The following PLB1 variants were observed in gnomAD, a reference collection of about 807,000 sequenced individuals.
PLB1 encodes phospholipase B1.
A neutral mutation model predicts 227.4 loss-of-function variants in PLB1; 242 were observed. That is an observed-to-expected ratio of 1.06 (90% CI 0.96 to 1.18). The LOEUF is 1.18. Among genes scored for constraint, PLB1 ranks in the 50% most tolerant of loss-of-function variants. PLB1 has a pLI of 0.00. For missense variants in PLB1, 1,858 were observed against 1,816.3 expected (o/e 1.02, Z -0.42); for synonymous variants, 757 against 682.2 (o/e 1.11, Z -1.71).
At chr2:28,598,218 C>A (rs1683285503) in intron 34 of PLB1, among the ~76,000 whole-genome samples, 170 bp downstream of exon 34, 1 of 152,152 alleles carries the variant, frequency 6.6e-6, no homozygotes, top group Non-Finnish European at 1.5e-5. Context: ...AAAATAAACA[C>A]CAGATTTAGA....
At chr2:28,618,768 C>T (rs1686563717) in intron 46 of PLB1, among the ~76,000 whole-genome samples, 1 of 152,208 alleles carries the variant, frequency 6.6e-6, no homozygotes. Context: ...CTTACACACA[C>T]ACTGCCCCAT....
At chr2:28,517,077 AG>A (rs1668942275) in intron 2 of PLB1, among the ~76,000 whole-genome samples, 1 of 152,196 alleles carries the variant, frequency 6.6e-6, no homozygotes, top group African/African-American at 2.4e-5. Context: ...TCATCCCTGC[AG>A]ACTGAATGGG....
intron 42 of PLB1, 93 bp downstream of exon 42, chr2:28,606,041 G>T: frequency 1.0e-6 from 1 of 974,968 alleles, no homozygotes; most frequent in Non-Finnish European, 1.6e-6. Flanking sequence ...GTGAGGCTGA[G>T]GGGGCAGTGG....
At chr2:28,613,623 G>T (rs1312113147) in intron 43 of PLB1, among the ~76,000 whole-genome samples, 1 of 152,068 alleles carries the variant, frequency 6.6e-6, no homozygotes, top group Non-Finnish European at 1.5e-5. Context: ...GAGGCAGAAA[G>T]AAAAACATTA....
Position 28,593,697 on chromosome 2 carries a change from G to T in PLB1, c.2264G>T (p.Gly755Val). Residue 755 changes from glycine to valine, a missense_variant, in exon 33 of 58, where the codon GGC (glycine) becomes GTC (valine). By Grantham distance (109) the Gly-to-Val change is moderately radical. Transcript: ENST00000327757. ...TTTTCAAAGGCTGGCAATGGAATTG[G>T]CTCCAAACCAGACGACCTCCCCGAT... is the stretch of plus-strand genomic sequence containing the variant. ...GDSLTAGNGI[G>V]SKPDDLPDVT... 6.2e-7 allele frequency: 1 copy of T among 1,614,084 alleles called. No individual in the cohort carries two copies. The highest frequency in any genetic ancestry group is 8.5e-7 in the Non-Finnish European group (1 of 1,180,008).
intron 23 of PLB1, among the ~76,000 whole-genome samples, chr2:28,581,497 AT>A (rs1558821649): frequency 0.089 from 9,321 of 104,684 alleles, 500 homozygotes; most frequent in Non-Finnish European, 0.11. Flanking sequence ...AAATAAATAA[AT>A]AAATAAATAA....
chr2:28,506,499 G>A (rs1667650867), intron 1 of PLB1, among the ~76,000 whole-genome samples: 2 of 152,094 alleles, frequency 1.3e-5, no homozygotes, highest in Admixed American at 6.6e-5. Flanking sequence ...ATTAAACCCC[G>A]GTGCAAGGAG....
chr2:28,567,779 T>C (rs1301747055), intron 20 of PLB1, among the ~76,000 whole-genome samples: 1 of 152,176 alleles, frequency 6.6e-6, no homozygotes, highest in Non-Finnish European at 1.5e-5. Context: ...TCTGATTATA[T>C]TCCTTGAAGG....
At chr2:28,507,181 T>G (rs1291024263) in intron 1 of PLB1, among the ~76,000 whole-genome samples, 1 of 152,214 alleles carries the variant, frequency 6.6e-6, no homozygotes, top group South Asian at 2.1e-4. Flanking sequence ...GGTCTGCTTG[T>G]TCGTCTTCAC....
chr2:28,546,655 T>C (rs1673308694), intron 14 of PLB1, among the ~76,000 whole-genome samples: 1 of 152,086 alleles, frequency 6.6e-6, no homozygotes, highest in Non-Finnish European at 1.5e-5. Context: ...GGATTGGGGA[T>C]GCAGGAGAAG....
chr2:28,558,373 A>G (rs1675488122), intron 17 of PLB1, among the ~76,000 whole-genome samples: 1 of 151,994 alleles, frequency 6.6e-6, no homozygotes, highest in Non-Finnish European at 1.5e-5. Flanking sequence ...ATGATGCATT[A>G]TGGCAGTAAG....
At position 28,628,637 on chromosome 2, in the gene PLB1, G is replaced by A. The variant is rs754122377; in HGVS notation, c.3726+9G>A. 5 of 1,614,048 alleles carry A rather than the reference G, an allele frequency of 3.1e-6. No individual in the cohort carries two copies. The highest frequency in any genetic ancestry group is 2.2e-5 in the South Asian group (2 of 91,080). On this transcript the variant is annotated intron_variant, in intron 52 of 57. Transcript: ENST00000327757. ...ACATCCTCTCTGAGGAGGTAGGAGAGGGGTTACGTGTTCCTGGGTCCCGCC... is the reference window on the plus strand; with the variant it reads ...ACATCCTCTCTGAGGAGGTAGGAGAAGGGTTACGTGTTCCTGGGTCCCGCC...
intron 20 of PLB1, 76 bp downstream of exon 20, chr2:28,566,915 G>A (rs1677034728): frequency 1.3e-6 from 2 of 1,561,582 alleles, no homozygotes; most frequent in East Asian, 2.3e-5. Flanking sequence ...TGCAGGTGGC[G>A]CGGGCCTCGG....
At chr2:28,552,198 G>C (rs1027406585) in intron 16 of PLB1, among the ~76,000 whole-genome samples, 1 of 152,156 alleles carries the variant, frequency 6.6e-6, no homozygotes, top group Non-Finnish European at 1.5e-5. Flanking sequence ...GTTGAAGAAG[G>C]CTTTCCAAAG....
At chr2:28,523,825 A>C (rs1483041198) in intron 4 of PLB1, among the ~76,000 whole-genome samples, 1 of 152,208 alleles carries the variant, frequency 6.6e-6, no homozygotes, top group Non-Finnish European at 1.5e-5. Flanking sequence ...TCACATTTCC[A>C]GCTCCTCTTG....
chr2:28,510,959 A>G (rs113884123), intron 1 of PLB1, among the ~76,000 whole-genome samples: 28 of 152,222 alleles, frequency 1.8e-4, no homozygotes, highest in African/African-American at 6.7e-4. Context: ...TTTAGGATTA[A>G]GTATTTTTAT....
At chr2:28,503,626 C>G (rs1261614260) in intron 1 of PLB1, among the ~76,000 whole-genome samples, 2 of 152,294 alleles carry the variant, frequency 1.3e-5, no homozygotes, top group South Asian at 2.1e-4. Flanking sequence ...CTGGGATTGA[C>G]TTGGTGGGTC....
At chr2:28,602,396 C>T (rs1684053673) in intron 38 of PLB1, among the ~76,000 whole-genome samples, 1 of 152,238 alleles carries the variant, frequency 6.6e-6, no homozygotes, top group African/African-American at 2.4e-5. Flanking sequence ...GGACAAGCTG[C>T]CCTGGCTGCG....
At chr2:28,503,443 T>G (rs1372901541) in intron 1 of PLB1, among the ~76,000 whole-genome samples, 1 of 152,168 alleles carries the variant, frequency 6.6e-6, no homozygotes, top group Non-Finnish European at 1.5e-5. Context: ...TGAGCCACCA[T>G]ATCTGGCTTT....
Sources: gnomAD v4.1 joint callset for allele counts (sites outside exome capture counted in the v4.1 genomes callset) on GRCh38, gnomAD v4.1.1 for gene constraint, MANE v1.5 for transcripts, NCBI Gene and HGNC (gene_info 2026-07-23, HGNC 2026-07-21) for gene names.